The following TRIM14 variants were observed in gnomAD, a reference collection of about 807,000 sequenced individuals.
The protein encoded by TRIM14 is tripartite motif containing 14.
TRIM14 carries 28 observed loss-of-function variants against 44.5 expected under a neutral mutation model. That is an observed-to-expected ratio of 0.63 (90% confidence interval 0.47 to 0.86). The LOEUF (loss-of-function observed/expected upper bound fraction) is 0.86, where lower values mean the gene tolerates loss of function less well. TRIM14 is among the 40% of genes least tolerant of loss of function. TRIM14 has a pLI of 0.00. For synonymous variants in TRIM14, 299 were observed against 269.2 expected (o/e 1.11, Z -1.08); for missense variants, 607 against 611.1 (o/e 0.99, Z 0.07).
At chr9:98,055,309 A>C in the TRIM14 span, among the ~76,000 whole-genome samples, 4 of 152,106 alleles carry the variant, frequency 2.6e-5, no homozygotes, top group African/African-American at 9.7e-5. Context: ...GTGAGCCACT[A>C]TGCCCCACCT....
At chr9:98,043,208 C>T in the TRIM14 span, among the ~76,000 whole-genome samples, 9 of 149,024 alleles carry the variant, frequency 6.0e-5, no homozygotes, top group Non-Finnish European at 1.2e-4. Flanking sequence ...GATGGAATCT[C>T]GCTCTATTGC....
chr9:98,112,031 T>C lies in TRIM14; in HGVS notation c.208-2047A>G, dbSNP rs113663881. 2.2e-4 allele frequency among the ~76,000 whole-genome samples: 34 copies of C among 152,284 alleles called. 1 individual carries two copies. The highest frequency in any genetic ancestry group is 8.2e-4 in the African/African-American group (34 of 41,548). On this transcript the variant is annotated intron_variant, in intron 1 of 5. Transcript: ENST00000341469. ...CATTATAAAACGTCTGAATCATTTA[T>C]ATGGTATAGAAAAGCTAAATATATT...
At chr9:98,094,735 AG>A in intron 4 of TRIM14, 131 bp downstream of exon 4, 1 of 1,039,208 alleles carries the variant, frequency 9.6e-7, no homozygotes, top group East Asian at 2.4e-5. Context: ...CAGGCCCAGG[AG>A]CCCCTGACCG....
At chr9:98,043,885 C>G in the TRIM14 span, among the ~76,000 whole-genome samples, 1 of 151,896 alleles carries the variant, frequency 6.6e-6, no homozygotes, top group African/African-American at 2.4e-5. Context: ...ATCTTGTGCA[C>G]AAAGACCATA....
the TRIM14 span, among the ~76,000 whole-genome samples, chr9:98,043,517 A>C: frequency 2.6e-5 from 4 of 152,132 alleles, no homozygotes; most frequent in Non-Finnish European, 4.4e-5. Flanking sequence ...AGATAGCAAA[A>C]TTTACATCTC....
chr9:98,074,118 G>T (rs373108208), intron 6 of TRIM14, among the ~76,000 whole-genome samples: 296 of 152,264 alleles, frequency 1.9e-3, no homozygotes, highest in African/African-American at 6.9e-3. Flanking sequence ...GAATAAGTTT[G>T]GGAAACACTG....
chr9:98,047,755 C>T, the TRIM14 span, among the ~76,000 whole-genome samples: 2 of 151,950 alleles, frequency 1.3e-5, no homozygotes. Context: ...GAGAAGCATG[C>T]TCTTGGCCAC....
chr9:98,088,689 A>T (rs1050810924), intron 5 of TRIM14, among the ~76,000 whole-genome samples: 1 of 152,258 alleles, frequency 6.6e-6, no homozygotes, highest in Non-Finnish European at 1.5e-5. Context: ...CGCATAACTT[A>T]GTCCTCCGTT....
chr9:98,094,981 C>T lies in TRIM14; in HGVS notation c.586G>A (p.Glu196Lys). 1 of 1,614,098 alleles carries T rather than the reference C, an allele frequency of 6.2e-7. No individual in the cohort carries two copies. The highest frequency in any genetic ancestry group is 8.5e-7 in the Non-Finnish European group (1 of 1,180,004). ...QEMQQQMSLG[E>K]LCHPVPLSFE... ...GAGAGGGGCACGGGATGGCACAGCT[C>T]CCCGAGGCTCATCTGCTGCTGCATC... The change falls in exon 4 of 6, where the codon GAG becomes AAG. Residue 196 changes from glutamate to lysine, a missense_variant. By Grantham distance (56) the Glu-to-Lys change is moderately conservative (BLOSUM62 1). Coordinates refer to ENST00000341469, the MANE Select transcript of TRIM14 (RefSeq NM_014788.4).
chr9:98,103,253 GA>G lies in TRIM14; in HGVS notation c.304-3090del, dbSNP rs980372978. On this transcript the variant is annotated intron_variant, in intron 2 of 5. Coordinates refer to ENST00000341469, the MANE Select transcript of TRIM14 (RefSeq NM_014788.4). ...ATGTCCTGGCAGGGAAAGTTCTCCA[GA>G]AAAAAAAAAAACAGGTGAAAAAGAA... is the stretch of plus-strand genomic sequence containing the variant. 2.3e-3 allele frequency among the ~76,000 whole-genome samples: 275 copies of G among 120,906 alleles called. 2 individuals carry two copies. The highest frequency in any genetic ancestry group is 0.012 in the Middle Eastern group (3 of 242). The allele number at this position is 120,906 out of a possible 152,430, so 79.3% of individuals were successfully genotyped here.
intron 5 of TRIM14, among the ~76,000 whole-genome samples, chr9:98,088,922 G>A (rs77609451): frequency 6.8e-6 from 1 of 147,412 alleles, no homozygotes; most frequent in African/African-American, 2.6e-5. Flanking sequence ...TTTTTTTGTT[G>A]TTGTTGTTGT....
At position 98,110,331 on chromosome 9, in the gene TRIM14, A is replaced by G. The variant is rs573220323; in HGVS notation, c.208-347T>C. On this transcript the variant is annotated intron_variant, in intron 1 of 5. Transcript: ENST00000341469. ...TCTGGGAAAGAACATCTACTTATGG[A>G]GTATTAACTGAGCACCTATTATGTG... is the stretch of plus-strand genomic sequence containing the variant. 622 of 301,242 alleles carry G rather than the reference A, an allele frequency of 2.1e-3. 4 individuals are homozygous for G. Among genetic ancestry groups the G allele is most frequent in the Middle Eastern group, 0.017 (14 of 822 alleles). The allele number at this position is 301,242 out of a possible 1,614,324, so 18.7% of individuals were successfully genotyped here.
chr9:98,086,326 G>A lies in TRIM14; in HGVS notation c.*1144C>T, dbSNP rs138051997. ...ACGTCTGGCCCCCCTATATCACCCC[G>A]GGGTAACTTTACGCAGCTCTGCTTT... On this transcript the variant is annotated 3_prime_UTR_variant, in exon 6 of 6. Transcript: ENST00000341469. 6.6e-6 allele frequency: 1 copy of A among 152,370 alleles called. No individual in the cohort carries two copies. Among genetic ancestry groups the A allele is most frequent in the Non-Finnish European group, 1.5e-5 (1 of 68,096 alleles). 9.4% of individuals were successfully genotyped at this position (152,370 alleles called of 1,614,324 possible). A position where few individuals can be genotyped will look rare whatever the true frequency, so the allele number is the denominator to read the frequency against.
the TRIM14 span, among the ~76,000 whole-genome samples, chr9:98,064,041 A>C: frequency 1.3e-5 from 2 of 152,170 alleles, no homozygotes; most frequent in Admixed American, 1.3e-4. Flanking sequence ...CCAGTTCTAA[A>C]ACATGTGTGT....
In TRIM14 at chr9:98,109,982, T is replaced by C; in HGVS notation, c.210A>G (p.Lys70=). ...LALEAAVHVQ[K]LSQECLKQLA... The stretch of plus-strand genomic sequence containing the variant: ...GCTGCTTTAAACATTCTTGGCTGAG[T>C]TTCTGTACAGGAGGGAGTTAGGAAA... Residue 70 remains lysine, a splice_region_variant and synonymous_variant, in exon 2 of 6, where the codon AAA becomes AAG. Coordinates refer to ENST00000341469, the MANE Select transcript of TRIM14 (RefSeq NM_014788.4). 6.2e-7 allele frequency: 1 copy of C among 1,613,750 alleles called. No homozygotes were observed. The highest frequency in any genetic ancestry group is 8.5e-7 in the Non-Finnish European group (1 of 1,179,742).
the TRIM14 span, among the ~76,000 whole-genome samples, chr9:98,038,526 T>C: frequency 1.3e-5 from 2 of 152,232 alleles, no homozygotes; most frequent in Non-Finnish European, 2.9e-5. Context: ...TACGTTACTT[T>C]ACTGAAAATT....
intron 1 of TRIM14, 49 bp downstream of exon 1, chr9:98,118,933 C>T (rs1827147278): frequency 2.1e-6 from 3 of 1,448,462 alleles, no homozygotes; most frequent in South Asian, 2.8e-5. Flanking sequence ...TATGCCTGGG[C>T]TGGCTCCCCC....
chr9:98,093,235 C>T (rs1564176490), intron 4 of TRIM14, among the ~76,000 whole-genome samples: 1 of 152,166 alleles, frequency 6.6e-6, no homozygotes, highest in Non-Finnish European at 1.5e-5. Context: ...CCCATTGCTG[C>T]TCCTTCGATA....
intron 2 of TRIM14, among the ~76,000 whole-genome samples, chr9:98,103,940 G>A (rs999492350): frequency 6.6e-6 from 1 of 151,968 alleles, no homozygotes; most frequent in South Asian, 2.1e-4. Context: ...AGCCAGTCAC[G>A]AGGGGTGGGC....
Sources: gnomAD v4.1 joint callset for allele counts (sites outside exome capture counted in the v4.1 genomes callset) on GRCh38, gnomAD v4.1.1 for gene constraint, MANE v1.5 for transcripts, NCBI Gene and HGNC (gene_info 2026-07-23, HGNC 2026-07-21) for gene names.